The following NTRK3 variants were observed in gnomAD, a reference collection of about 807,000 sequenced individuals.
NTRK3 encodes NT-3 growth factor receptor.
Under a neutral mutation model 91.7 loss-of-function variants are expected in NTRK3, and 24 were observed. That is an observed-to-expected ratio of 0.26 (90% CI 0.19 to 0.37). The LOEUF is 0.37. Among genes scored for constraint, NTRK3 ranks in the 10% least tolerant of loss-of-function variants. The pLI, the probability that NTRK3 is intolerant of heterozygous loss-of-function variation, is 1.00. For synonymous variants in NTRK3, 483 were observed against 404.0 expected, an observed-to-expected ratio of 1.20 and a Z score of -2.34; for missense variants, 880 against 1,068.9, an observed-to-expected ratio of 0.82 and a Z score of 2.46.
chr15:87,867,133 T>C, exon 19 of NTRK3: 1 of 225,414 alleles, frequency 4.4e-6, no homozygotes, highest in Non-Finnish European at 8.8e-6. Flanking sequence ...CCAGAGTCTC[T>C]TGTGCAAAAG....
chr15:88,159,373 A>G (rs2044221759), intron 5 of NTRK3, among the ~76,000 whole-genome samples: 1 of 152,182 alleles, frequency 6.6e-6, no homozygotes, highest in African/African-American at 2.4e-5. Context: ...CATTGAGGGG[A>G]GAGGTTCTCC....
Position 88,233,174 on chromosome 15 carries a change from A to G in NTRK3, c.248+22732T>C, listed in dbSNP as rs1249648678. On this transcript the variant is annotated intron_variant, in intron 3 of 18. Coordinates refer to ENST00000394480, the Ensembl canonical transcript of NTRK3. The surrounding 1 kb of genome is among the most constrained non-coding windows in gnomAD (Gnocchi z 4.2). ...CCAGGCTATTTTCCTCTGGAGCTAAAGCCTGAATAAGCAAAAAGAAAAAAT... is the reference window on the plus strand; with the variant it reads ...CCAGGCTATTTTCCTCTGGAGCTAAGGCCTGAATAAGCAAAAAGAAAAAAT... Among the ~76,000 whole-genome samples, 1 of 152,210 alleles carries G rather than the reference A, an allele frequency of 6.6e-6. No individual in the cohort carries two copies. The highest frequency in any genetic ancestry group is 2.4e-5 in the African/African-American group (1 of 41,438).
chr15:87,949,625 C>T (rs1177856602), intron 14 of NTRK3, among the ~76,000 whole-genome samples: 3 of 152,172 alleles, frequency 2.0e-5, no homozygotes. Flanking sequence ...TCCCTGCTCC[C>T]CAGTGCTACC....
At chr15:87,915,528 C>T (rs1718711930) in intron 17 of NTRK3, among the ~76,000 whole-genome samples, 1 of 152,240 alleles carries the variant, frequency 6.6e-6, no homozygotes, top group South Asian at 2.1e-4. Flanking sequence ...TCCTCCTGGG[C>T]TTCCAACAGA....
At chr15:88,126,961 C>G (rs2053351940) in intron 12 of NTRK3, among the ~76,000 whole-genome samples, 1 of 152,168 alleles carries the variant, frequency 6.6e-6, no homozygotes, top group Non-Finnish European at 1.5e-5. Context: ...GGGCTTGGAG[C>G]AGATCGTCAA....
chr15:88,048,905 C>T (rs757429265), intron 13 of NTRK3, among the ~76,000 whole-genome samples: 4 of 152,278 alleles, frequency 2.6e-5, no homozygotes, highest in Admixed American at 6.5e-5. Context: ...TGTGTGCAAT[C>T]GGGAAGGTGT....
chr15:87,979,378 A>G (rs200610457), intron 14 of NTRK3: 1 of 1,613,980 alleles, frequency 6.2e-7, no homozygotes, highest in Non-Finnish European at 8.5e-7. Flanking sequence ...TGAAATAAAC[A>G]TTGACATCCT....
chr15:88,022,062 G>T (rs1247528150), intron 14 of NTRK3, among the ~76,000 whole-genome samples: 1 of 152,092 alleles, frequency 6.6e-6, no homozygotes, highest in Non-Finnish European at 1.5e-5. Context: ...CCTGTGAAAA[G>T]CAAGTGACTT....
chr15:88,022,820 T>A (rs1696333456), intron 14 of NTRK3, among the ~76,000 whole-genome samples: 1 of 152,172 alleles, frequency 6.6e-6, no homozygotes, highest in South Asian at 2.1e-4. Context: ...ACAGTGAGCA[T>A]AATTAGACCT....
At chr15:88,084,714 C>T (rs1239957426) in intron 13 of NTRK3, among the ~76,000 whole-genome samples, 1 of 152,178 alleles carries the variant, frequency 6.6e-6, no homozygotes, top group African/African-American at 2.4e-5. Flanking sequence ...GCCCTCCAGC[C>T]CAGTAGAGCT....
At chr15:87,985,059 T>G (rs2074629379) in intron 14 of NTRK3, among the ~76,000 whole-genome samples, 2 of 152,074 alleles carry the variant, frequency 1.3e-5, no homozygotes, top group African/African-American at 2.4e-5. Flanking sequence ...AATACCAAAC[T>G]TATGCTCCCT....
intron 17 of NTRK3, among the ~76,000 whole-genome samples, chr15:87,884,341 A>G (rs949722603): frequency 3.3e-5 from 5 of 151,644 alleles, no homozygotes; most frequent in African/African-American, 1.2e-4. Flanking sequence ...TGTAAAAAAA[A>G]TCTATACATT....
Position 88,076,939 on chromosome 15 carries a change from C to CA in NTRK3, c.1397-43895dup, listed in dbSNP as rs535293240. On this transcript the variant is annotated intron_variant, in intron 13 of 18. Transcript: ENST00000394480. Reference sequence around the variant, plus strand: ...GAAACCCCCACCTCTACCAAAAATACAAAAAATTAGCCGGGTGCAGTGCCA... The same window carrying CA: ...GAAACCCCCACCTCTACCAAAAATACAAAAAAATTAGCCGGGTGCAGTGCCA... Among the ~76,000 whole-genome samples, 16 of 151,976 alleles carry CA rather than the reference C, an allele frequency of 1.1e-4. No homozygotes were observed. In the East Asian group the frequency reaches 2.9e-3, roughly 28 times the overall value.
chr15:88,138,930 G>A (rs1216935000), intron 6 of NTRK3, among the ~76,000 whole-genome samples: 2 of 152,186 alleles, frequency 1.3e-5, no homozygotes, highest in African/African-American at 2.4e-5. Context: ...AAGAGAGAAC[G>A]AGACTGACTG....
Position 87,890,043 on chromosome 15 carries a change from C to T in NTRK3, c.2134-9615G>A, listed in dbSNP as rs1048504369. On this transcript the variant is annotated intron_variant, in intron 17 of 18. Transcript: ENST00000394480. The stretch of plus-strand genomic sequence containing the variant: ...AATTTCTCAAAGTCTGTTTATTTCA[C>T]TGTATCCCCATGGGTTATTTCACCT... Among the ~76,000 whole-genome samples the T allele has an allele frequency of 3.3e-5, 5 of 151,730 alleles. No homozygotes were observed. The East Asian group carries it at 7.7e-4, about 24-fold the overall frequency.
intron 17 of NTRK3, among the ~76,000 whole-genome samples, chr15:87,898,457 C>A (rs1385156325): frequency 6.6e-6 from 1 of 152,074 alleles, no homozygotes; most frequent in Admixed American, 6.5e-5. Flanking sequence ...TCAGGAGGAG[C>A]AGCTAAAGTG....
intron 14 of NTRK3, among the ~76,000 whole-genome samples, chr15:87,982,543 C>A (rs2074378220): frequency 6.6e-6 from 1 of 152,200 alleles, no homozygotes; most frequent in African/African-American, 2.4e-5. Context: ...CAGAACAGAG[C>A]TGGGTCTTCA....
At chr15:87,913,639 C>T (rs1214593534) in intron 17 of NTRK3, among the ~76,000 whole-genome samples, 16 of 152,076 alleles carry the variant, frequency 1.1e-4, no homozygotes, top group Non-Finnish European at 1.2e-4. Context: ...GGTATCAAGG[C>T]AATAAGATTT....
chr15:87,940,513 C>T, intron 15 of NTRK3, 110 bp downstream of exon 15: 11 of 1,548,800 alleles, frequency 7.1e-6, no homozygotes, highest in South Asian at 1.1e-5. Context: ...TTGATTGCAT[C>T]TGAGAAAGCC....
Sources: allele counts gnomAD v4.1 joint callset (sites outside exome capture counted in the v4.1 genomes callset), GRCh38; gene constraint gnomAD v4.1.1; non-coding constraint Gnocchi (gnomAD v3.1); transcripts MANE v1.5; gene names NCBI Gene and HGNC (gene_info 2026-07-23, HGNC 2026-07-21).